Variants in PHIP observed in about 807,000 individuals in gnomAD.
PHIP encodes the protein PH-interacting protein.
In PHIP, 54 loss-of-function variants were observed where a neutral mutation model predicts 236.8. That is an observed-to-expected ratio of 0.23 (90% CI 0.18 to 0.29). The LOEUF is 0.29. PHIP is among the 10% of genes least tolerant of loss of function. PHIP has a pLI of 1.00. For synonymous variants in PHIP, 756 were observed against 718.9 expected (o/e 1.05, Z -0.83); for missense variants, 1,370 against 2,190.8 (o/e 0.63, Z 7.48).
At chr6:79,071,124 T>C (rs1232615806) in intron 4 of PHIP, among the ~76,000 whole-genome samples, 3 of 152,182 alleles carry the variant, frequency 2.0e-5, no homozygotes, top group African/African-American at 7.2e-5. Flanking sequence ...CATCCAACCA[T>C]CCTTTTCTTA....
At chr6:79,034,615 A>G (rs1364330459) in intron 7 of PHIP, among the ~76,000 whole-genome samples, 1 of 152,204 alleles carries the variant, frequency 6.6e-6, no homozygotes, top group African/African-American at 2.4e-5. Context: ...GCTAAGTTTC[A>G]GAACAACTTG....
chr6:78,987,928 T>A (rs1768969561), intron 21 of PHIP, among the ~76,000 whole-genome samples: 1 of 152,202 alleles, frequency 6.6e-6, no homozygotes, highest in Admixed American at 6.5e-5. Flanking sequence ...GCTCTACCTC[T>A]TAATAGGTGA....
In PHIP at chr6:78,934,869, A is replaced by C. The variant is rs1487228294; in HGVS notation, c.*5824T>G. On this transcript the variant is annotated 3_prime_UTR_variant, in exon 40 of 40. Coordinates refer to ENST00000275034, the MANE Select transcript of PHIP (RefSeq NM_017934.7). ...GGCCAGTTCATTACACTGTGCTGCC[A>C]GTATGTCTAACCAATTAGGTAGAAA... Among the ~76,000 whole-genome samples, 4 of 152,208 alleles carry C rather than the reference A, an allele frequency of 2.6e-5. No homozygotes were observed. The highest frequency in any genetic ancestry group is 5.9e-5 in the Non-Finnish European group (4 of 68,030).
intron 19 of PHIP, among the ~76,000 whole-genome samples, chr6:78,996,927 T>C (rs1769654426): frequency 6.6e-6 from 1 of 151,844 alleles, no homozygotes; most frequent in Admixed American, 6.6e-5. Context: ...AATAGAATTT[T>C]ATTAAATCAA....
At chr6:79,020,140 G>A (rs1378604200) in intron 9 of PHIP, among the ~76,000 whole-genome samples, 1 of 151,726 alleles carries the variant, frequency 6.6e-6, no homozygotes, top group Non-Finnish European at 1.5e-5. Flanking sequence ...ATAGGTTGGT[G>A]CAAAAATAAT....
chr6:79,022,005 C>T (rs1303109853), intron 9 of PHIP, among the ~76,000 whole-genome samples: 2 of 152,020 alleles, frequency 1.3e-5, no homozygotes, highest in Non-Finnish European at 2.9e-5. Context: ...ACACCTACTA[C>T]ATACCCACAA....
chr6:79,021,611 G>A (rs1771120246), intron 9 of PHIP, among the ~76,000 whole-genome samples: 1 of 152,216 alleles, frequency 6.6e-6, no homozygotes, highest in South Asian at 2.1e-4. Flanking sequence ...TATGCTAAGT[G>A]AAATAAGGCA....
chr6:78,972,006 C>G (rs1351273708), intron 24 of PHIP, among the ~76,000 whole-genome samples: 1 of 152,076 alleles, frequency 6.6e-6, no homozygotes, highest in South Asian at 2.1e-4. Context: ...CCGGGAAGCT[C>G]GAACTGGGTG....
At chr6:79,050,844 C>T (rs1211119545) in intron 6 of PHIP, among the ~76,000 whole-genome samples, 2 of 152,016 alleles carry the variant, frequency 1.3e-5, no homozygotes, top group African/African-American at 4.8e-5. Context: ...ATGACAATTG[C>T]GTATTTGAAA....
chr6:79,075,354 C>T (rs559312307), intron 4 of PHIP, among the ~76,000 whole-genome samples: 5 of 152,122 alleles, frequency 3.3e-5, no homozygotes, highest in African/African-American at 9.6e-5. Flanking sequence ...AAAGAGAAAA[C>T]GAGTCAAAGA....
intron 6 of PHIP, among the ~76,000 whole-genome samples, chr6:79,048,662 G>T (rs902538801): frequency 6.7e-6 from 1 of 149,610 alleles, no homozygotes. Context: ...AAATACAAAG[G>T]TTAGTGTTTT....
At chr6:79,077,354 G>A (rs1774223142) in intron 4 of PHIP, 94 bp downstream of exon 4, 3 of 1,194,120 alleles carry the variant, frequency 2.5e-6, no homozygotes, top group Middle Eastern at 2.0e-4. Context: ...CACGTTCTAG[G>A]GCCAAGTTTT....
chr6:79,015,129 C>A lies in PHIP; in HGVS notation c.1477G>T (p.Val493Leu). 1 of 1,611,772 alleles carries A rather than the reference C, an allele frequency of 6.2e-7. No homozygotes were observed. The highest frequency in any genetic ancestry group is 8.5e-7 in the Non-Finnish European group (1 of 1,178,176). The change falls in exon 15 of 40, where the codon GTG (valine) becomes TTG (leucine). Residue 493 changes from valine to leucine, a missense_variant. Physicochemically the swap from Val to Leu is conservative, Grantham distance 32. This residue lies in a region of PHIP where 188 missense variants were observed against 354.3 expected (regional missense o/e 0.53). Transcript: ENST00000275034. ...FSAGHDGNVI[V>L]WDLARGVKIR... is the part of the protein sequence containing the mutation. ...TTGACTCCTCTTGCCAGATCCCACACTATCACGTTTCCATCATGACCAGCA... is the reference window on the plus strand; with the variant it reads ...TTGACTCCTCTTGCCAGATCCCACAATATCACGTTTCCATCATGACCAGCA...
chr6:79,074,787 T>C (rs1242639604), intron 4 of PHIP, among the ~76,000 whole-genome samples: 2 of 152,134 alleles, frequency 1.3e-5, no homozygotes, highest in African/African-American at 4.8e-5. Flanking sequence ...AAAATTCTAC[T>C]TTCCTCTTGA....
At position 78,990,905 on chromosome 6, in the gene PHIP, G is replaced by A; in HGVS notation, c.2282C>T (p.Thr761Ile). ...GGGTATTTTATTCTCTTTTGGAACA[G>A]TTAAGTGTTTTCTTTTCTCTTCTGA... The part of the protein sequence containing the change: ...YRSEEKRKHL[T>I]VPKENKIPTV... Residue 761 changes from threonine to isoleucine, a missense_variant, in exon 20 of 40, where the codon ACT becomes ATT. By Grantham distance (89) the Thr-to-Ile change is moderately conservative. This residue lies in a region of PHIP where 99 missense variants were observed against 110.0 expected (regional missense o/e 0.90). Transcript: ENST00000275034. 6.2e-7 allele frequency: 1 copy of A among 1,604,720 alleles called. No individual in the cohort carries two copies. The highest frequency in any genetic ancestry group is 8.5e-7 in the Non-Finnish European group (1 of 1,172,094).
At chr6:78,961,650 C>A in intron 31 of PHIP, 40 bp downstream of exon 31, 2 of 1,596,094 alleles carry the variant, frequency 1.3e-6, no homozygotes, top group Non-Finnish European at 1.7e-6. Flanking sequence ...GAAAGATCAC[C>A]AGCTTTCCTT....
intron 7 of PHIP, among the ~76,000 whole-genome samples, chr6:79,031,528 T>C (rs1285712170): frequency 6.6e-6 from 1 of 152,162 alleles, no homozygotes; most frequent in African/African-American, 2.4e-5. Flanking sequence ...GAAAGTGTGT[T>C]GAGAAAGGGT....
chr6:79,042,290 G>C (rs1772258504), intron 7 of PHIP, among the ~76,000 whole-genome samples: 1 of 151,784 alleles, frequency 6.6e-6, no homozygotes, highest in Non-Finnish European at 1.5e-5. Flanking sequence ...ACCCAAAGAG[G>C]CTCTATAAAC....
intron 21 of PHIP, among the ~76,000 whole-genome samples, chr6:78,986,238 A>G (rs1282935775): frequency 3.9e-5 from 6 of 152,220 alleles, no homozygotes; most frequent in African/African-American, 1.4e-4. Context: ...ATTAAAAAAT[A>G]CTTAAACACT....
Sources: gnomAD v4.1 joint callset for allele counts (sites outside exome capture counted in the v4.1 genomes callset) on GRCh38, gnomAD v4.1.1 for gene constraint, gnomAD v4.1.1 regional missense constraint, MANE v1.5 for transcripts, NCBI Gene and HGNC (gene_info 2026-07-23, HGNC 2026-07-21) for gene names.